JHY: variants seen among roughly 807,000 people sequenced by gnomAD.
The protein encoded by JHY is junctional cadherin complex regulator.
Under a neutral mutation model 78.0 loss-of-function variants are expected in JHY, and 69 were observed. The observed-to-expected ratio is 0.88, with a 90% CI of 0.73 to 1.08. JHY has a LOEUF of 1.08. JHY is among the 50% of genes least tolerant of loss of function. JHY has a pLI of 0.00. For missense variants in JHY, 944 were observed against 927.8 expected (o/e 1.02, Z -0.23); for synonymous variants, 368 against 342.6 (o/e 1.07, Z -0.82).
rs1294616356 is a variant in JHY at position 122,884,441 on chromosome 11, G to GA, written c.-89-1308dup. ...AAAGGTTTCTGTTACCTGACTCACAGAAAAAAAAAAAATGGGTATAAAGGC... is the reference window on the plus strand; with the variant it reads ...AAAGGTTTCTGTTACCTGACTCACAGAAAAAAAAAAAAATGGGTATAAAGGC... On this transcript the variant is annotated intron_variant, in intron 1 of 8. Transcript: ENST00000227349. Among the ~76,000 whole-genome samples, 587 of 135,740 alleles carry GA rather than the reference G, an allele frequency of 4.3e-3. 3 individuals are homozygous for GA. The highest frequency in any genetic ancestry group is 9.5e-3 in the African/African-American group (350 of 36,976). 89.1% of individuals were successfully genotyped at this position (135,740 alleles called of 152,430 possible).
chr11:122,944,767 T>G (rs543372713), intron 5 of JHY, among the ~76,000 whole-genome samples: 1 of 152,328 alleles, frequency 6.6e-6, no homozygotes, highest in South Asian at 2.1e-4. Flanking sequence ...CTATTTTGAA[T>G]TATAGTTTAA....
intron 4 of JHY, among the ~76,000 whole-genome samples, chr11:122,929,230 G>T (rs1253446423): frequency 7.4e-6 from 1 of 135,254 alleles, no homozygotes. Flanking sequence ...CCTGGCCAAG[G>T]TTGTTTTTTG....
At chr11:122,953,055 G>A (rs778211128) in intron 6 of JHY, among the ~76,000 whole-genome samples, 3 of 152,178 alleles carry the variant, frequency 2.0e-5, no homozygotes, top group Non-Finnish European at 4.4e-5. Context: ...GTTAGTGGAA[G>A]TGTTAATTGA....
chr11:122,933,804 CA>C (rs1000686153), intron 4 of JHY, among the ~76,000 whole-genome samples: 10 of 152,114 alleles, frequency 6.6e-5, no homozygotes, highest in African/African-American at 2.4e-4. Context: ...GTTTGTAAAG[CA>C]AATTATTAGT....
rs900867457 is a variant in JHY, at chr11:122,962,088, A to G, written c.*2643A>G. 6.6e-6 allele frequency among the ~76,000 whole-genome samples: 1 copy of G among 152,286 alleles called. No homozygotes were observed. The highest frequency in any genetic ancestry group is 1.9e-4 in the East Asian group (1 of 5,204). On this transcript the variant is annotated 3_prime_UTR_variant, in exon 9 of 9. Transcript: ENST00000227349. ...AGCATTCCATAGTTTACTACTGAAT[A>G]CAAATGTTAATAAATATTTTTTAGT... is the stretch of plus-strand genomic sequence containing the variant.
At chr11:122,890,431 A>T (rs747983079) in intron 2 of JHY, among the ~76,000 whole-genome samples, 4 of 152,158 alleles carry the variant, frequency 2.6e-5, no homozygotes, top group Non-Finnish European at 5.9e-5. Context: ...TCCTGGTTCT[A>T]AGAGATTTAT....
chr11:122,949,307 C>CG (rs1436382078), intron 6 of JHY, among the ~76,000 whole-genome samples: 1 of 151,896 alleles, frequency 6.6e-6, no homozygotes, highest in Non-Finnish European at 1.5e-5. Flanking sequence ...TTGTGTAGGA[C>CG]GGGGGGATCA....
intron 3 of JHY, chr11:122,905,729 T>C (rs953129650): frequency 1.6e-4 from 49 of 311,626 alleles, no homozygotes; most frequent in Non-Finnish European, 2.2e-4. Flanking sequence ...TAGCCGGGTG[T>C]GGTGATGCAC....
Position 122,935,927 on chromosome 11 carries a change from T to C in JHY, c.1634+852T>C, listed in dbSNP as rs1454121750. On this transcript the variant is annotated intron_variant, in intron 5 of 8. Coordinates refer to ENST00000227349, the MANE Select transcript of JHY (RefSeq NM_024806.4). This position sits in a 1 kb window ranked among gnomAD's most constrained non-coding sequence, Gnocchi z 4.5. Reference sequence around the variant, plus strand: ...AATTACACCTTGGGTTGAATGACACTGGTAGAAGAAAAAGTACATCTAAGG... The same window carrying C: ...AATTACACCTTGGGTTGAATGACACCGGTAGAAGAAAAAGTACATCTAAGG... 6.6e-6 allele frequency among the ~76,000 whole-genome samples: 1 copy of C among 152,166 alleles called. No individual in the cohort carries two copies. Among genetic ancestry groups the C allele is most frequent in the South Asian group, 2.1e-4 (1 of 4,834 alleles).
intron 3 of JHY, chr11:122,905,229 T>G: frequency 6.2e-7 from 1 of 1,614,134 alleles, no homozygotes; most frequent in Non-Finnish European, 8.5e-7. Flanking sequence ...TTGGAGCCAG[T>G]AAACTTAGTT....
intron 4 of JHY, among the ~76,000 whole-genome samples, chr11:122,929,931 G>T (rs1016204818): frequency 2.6e-5 from 4 of 152,230 alleles, no homozygotes; most frequent in Admixed American, 6.5e-5. Flanking sequence ...AAAGTTTATT[G>T]GTGGCCTGAA....
At chr11:122,939,574 A>G (rs1038136380) in intron 5 of JHY, among the ~76,000 whole-genome samples, 2 of 152,180 alleles carry the variant, frequency 1.3e-5, no homozygotes, top group Non-Finnish European at 2.9e-5. Context: ...CTCTTTATAT[A>G]TAATTTTGAT....
chr11:122,932,857 T>C (rs532495437), intron 4 of JHY, among the ~76,000 whole-genome samples: 1 of 152,242 alleles, frequency 6.6e-6, no homozygotes, highest in East Asian at 1.9e-4. Flanking sequence ...AGAATTTACC[T>C]GGAATACAGA....
At chr11:122,921,559 A>G (rs1297891824) in intron 3 of JHY, among the ~76,000 whole-genome samples, 1 of 152,216 alleles carries the variant, frequency 6.6e-6, no homozygotes. Flanking sequence ...TAAATGAGTC[A>G]TGTTTCTGTT....
chr11:122,921,973 C>T (rs1863375692), intron 3 of JHY, among the ~76,000 whole-genome samples: 1 of 150,966 alleles, frequency 6.6e-6, no homozygotes, highest in Non-Finnish European at 1.5e-5. Context: ...AGAGCAAGAT[C>T]TGGAAAAAAA....
chr11:122,904,424 G>A lies in JHY; in HGVS notation c.844G>A (p.Gly282Arg), dbSNP rs1355842319. The change falls in exon 3 of 9, where the codon GGG becomes AGG. Residue 282 changes from glycine (G) to arginine (R), a missense_variant. Gly to Arg is a moderately radical substitution (Grantham distance 125). Transcript: ENST00000227349. ...TCTTCAACTTCACAATAAAAAAAGA[G>A]GGGAATCTCATCCAGAACAGGTACG... ...SYLQLHNKKR[G>R]ESHPEQISYP... is the part of the protein sequence containing the mutation. The A allele has an allele frequency of 6.2e-7, 1 of 1,613,214 alleles. No individual in the cohort carries two copies. Among genetic ancestry groups the A allele is most frequent in the East Asian group, 2.2e-5 (1 of 44,874 alleles).
intron 3 of JHY, among the ~76,000 whole-genome samples, chr11:122,908,506 C>T (rs1863041458): frequency 6.6e-6 from 1 of 152,098 alleles, no homozygotes; most frequent in African/African-American, 2.4e-5. Context: ...GCTGGTGGTC[C>T]ATGGACCTCA....
chr11:122,908,420 A>G (rs1413530080), intron 3 of JHY, among the ~76,000 whole-genome samples: 1 of 152,192 alleles, frequency 6.6e-6, no homozygotes, highest in Non-Finnish European at 1.5e-5. Context: ...TGCTTGTGAA[A>G]ATACAGATTG....
At chr11:122,918,816 G>A (rs761456061) in intron 3 of JHY, among the ~76,000 whole-genome samples, 2 of 149,078 alleles carry the variant, frequency 1.3e-5, no homozygotes, top group Non-Finnish European at 2.9e-5. Context: ...TACCCGTAGA[G>A]CTATACAGCA....
Sources: gnomAD v4.1 joint callset for allele counts (sites outside exome capture counted in the v4.1 genomes callset) on GRCh38, gnomAD v4.1.1 for gene constraint, Gnocchi (gnomAD v3.1) non-coding constraint, MANE v1.5 for transcripts, NCBI Gene and HGNC (gene_info 2026-07-23, HGNC 2026-07-21) for gene names.